The following SYT10 variants were observed in gnomAD, a reference collection of about 807,000 sequenced individuals.
The protein encoded by SYT10 is synaptotagmin 10, also known as synaptotagmin-10.
Under a neutral mutation model 51.1 loss-of-function variants are expected in SYT10, and 31 were observed. That is an observed-to-expected ratio of 0.61 (90% CI 0.46 to 0.82). SYT10 has a LOEUF of 0.82. Ranked by LOEUF, SYT10 falls within the 40% of genes least tolerant of loss-of-function variation. SYT10 has a pLI of 0.00. For missense variants in SYT10, 603 were observed against 634.0 expected, an observed-to-expected ratio of 0.95 and a Z score of 0.53; for synonymous variants, 233 against 225.9, an observed-to-expected ratio of 1.03 and a Z score of -0.28.
rs1866050946 is a variant in SYT10, at chr12:33,375,048, A to G, written c.*1782T>C. On this transcript the variant is annotated 3_prime_UTR_variant, in exon 7 of 7. Transcript: ENST00000228567. ...CAAATAATTTCAAAATGCAAGTGTC[A>G]TCTTTCATTTTACCTATAGCAAATA... 1 of 152,022 alleles carries G rather than the reference A, an allele frequency of 6.6e-6. No homozygotes were observed. Among genetic ancestry groups the G allele is most frequent in the South Asian group, 2.1e-4 (1 of 4,828 alleles). 9.4% of individuals were successfully genotyped at this position (152,022 alleles called of 1,614,324 possible).
At chr12:33,428,712 C>T (rs1866572157) in intron 1 of SYT10, among the ~76,000 whole-genome samples, 2 of 152,148 alleles carry the variant, frequency 1.3e-5, no homozygotes, top group African/African-American at 2.4e-5. Flanking sequence ...CGACACCATC[C>T]TGGCTAAAGC....
At position 33,376,696 on chromosome 12, in the gene SYT10, TA is replaced by T. The variant is rs543545169; in HGVS notation, c.*133del. ...TTAAAAAATCAACAATAAAAGCAAATAAAAAAGTGCACATCAAGTTTGTTCA... is the reference window on the plus strand; with the variant it reads ...TTAAAAAATCAACAATAAAAGCAAATAAAAAGTGCACATCAAGTTTGTTCA... On this transcript the variant is annotated 3_prime_UTR_variant, in exon 7 of 7. Coordinates refer to ENST00000228567, the MANE Select transcript of SYT10 (RefSeq NM_198992.4). The T allele has an allele frequency of 2.4e-5, 23 of 959,124 alleles. No homozygotes were observed. In the Admixed American group the frequency reaches 5.3e-4, roughly 22 times the overall value. 59.4% of individuals were successfully genotyped at this position (959,124 alleles called of 1,614,324 possible).
At chr12:33,430,576 C>T (rs528673095) in intron 1 of SYT10, among the ~76,000 whole-genome samples, 2 of 152,248 alleles carry the variant, frequency 1.3e-5, no homozygotes, top group South Asian at 4.1e-4. Flanking sequence ...TGATATTCTC[C>T]TCTGTGTCTA....
chr12:33,392,606 T>C, intron 3 of SYT10, among the ~76,000 whole-genome samples: 1 of 152,058 alleles, frequency 6.6e-6, no homozygotes, highest in Non-Finnish European at 1.5e-5. Context: ...TTTTCTGCCT[T>C]CTCTACTTGA....
At chr12:33,417,080 G>A (rs1487753908) in intron 2 of SYT10, among the ~76,000 whole-genome samples, 1 of 152,078 alleles carries the variant, frequency 6.6e-6, no homozygotes, top group Non-Finnish European at 1.5e-5. Flanking sequence ...CTGAGAAGAG[G>A]AAGAAGGTGA....
At chr12:33,423,812 A>C (rs561017208) in intron 2 of SYT10, 43 of 379,406 alleles carry the variant, frequency 1.1e-4, no homozygotes, top group South Asian at 6.8e-4. Flanking sequence ...ATAAATTTGA[A>C]TTCTTACTCT....
At chr12:33,424,747 A>AATAT (rs140828455) in intron 2 of SYT10, among the ~76,000 whole-genome samples, 19,990 of 151,498 alleles carry the variant, frequency 0.13, 1,529 homozygotes, top group African/African-American at 0.19. Flanking sequence ...TAATTCAATA[A>AATAT]ATATATAGTT....
chr12:33,413,754 G>C (rs2138421545), intron 2 of SYT10, among the ~76,000 whole-genome samples: 1 of 152,262 alleles, frequency 6.6e-6, no homozygotes, highest in Non-Finnish European at 1.5e-5. Flanking sequence ...GACCTTCAAG[G>C]CTAGGAAGAA....
chr12:33,424,816 A>G (rs1288763017), intron 2 of SYT10, among the ~76,000 whole-genome samples: 1 of 152,008 alleles, frequency 6.6e-6, no homozygotes. Context: ...AAGATCATAA[A>G]TAAGAAAATT....
In SYT10 at chr12:33,430,853, T is replaced by C. The variant is rs191739563; in HGVS notation, c.152-4358A>G. On this transcript the variant is annotated intron_variant, in intron 1 of 6. Coordinates refer to ENST00000228567, the MANE Select transcript of SYT10 (RefSeq NM_198992.4). ...CAAAGATGAAATTTTGGGATTATCT[T>C]TGAAGTTAATTTATTTATACTATTC... 2.6e-4 allele frequency among the ~76,000 whole-genome samples: 40 copies of C among 152,260 alleles called. No individual in the cohort carries two copies. In the East Asian group the frequency reaches 7.7e-3, roughly 29 times the overall value.
chr12:33,378,836 GTGTGTGTGTGTGTTTGTAGATGCATT>G (rs1326556898), intron 6 of SYT10, among the ~76,000 whole-genome samples: 17 of 147,384 alleles, frequency 1.2e-4, no homozygotes, highest in Admixed American at 3.3e-4. Flanking sequence ...GTGTGTGTGT[GTGTGTGTGTGTGTTTGTAGATGCATT>G]TGTGTGTGTG....
rs958896157 is a variant in SYT10, at chr12:33,382,202, C to A, written c.1370+147G>T. ...GAAATGAAAATCCAGAACTATAACA[C>A]AGAAAACAATGAATTTTCAAGGAAT... On this transcript the variant is annotated intron_variant, in intron 5 of 6. Coordinates refer to ENST00000228567, the MANE Select transcript of SYT10 (RefSeq NM_198992.4). 5 of 821,766 alleles carry A rather than the reference C, an allele frequency of 6.1e-6. No homozygotes were observed. The East Asian group carries it at 1.2e-4, about 20-fold the overall frequency. 50.9% of individuals were successfully genotyped at this position (821,766 alleles called of 1,614,324 possible). A position where few individuals can be genotyped will look rare whatever the true frequency, so the allele number is the denominator to read the frequency against.
intron 1 of SYT10, 82 bp from the exon 2 acceptor site, chr12:33,426,577 T>G (rs772754727): frequency 2.7e-5 from 31 of 1,160,240 alleles, no homozygotes; most frequent in Non-Finnish European, 3.6e-5. Context: ...TACATCATAA[T>G]TGTTATTATT....
chr12:33,420,294 A>T (rs1866491076), intron 2 of SYT10, among the ~76,000 whole-genome samples: 1 of 152,156 alleles, frequency 6.6e-6, no homozygotes, highest in African/African-American at 2.4e-5. Context: ...AACATTTACT[A>T]GGAACTAAGA....
chr12:33,390,577 TATAAA>T (rs1866195809), intron 3 of SYT10, among the ~76,000 whole-genome samples: 1 of 151,812 alleles, frequency 6.6e-6, no homozygotes, highest in Non-Finnish European at 1.5e-5. Context: ...TCTATATATA[TATAAA>T]ATAAATAATT....
chr12:33,378,698 A>G (rs1866086553), intron 6 of SYT10, among the ~76,000 whole-genome samples: 1 of 152,220 alleles, frequency 6.6e-6, no homozygotes, highest in South Asian at 2.1e-4. Context: ...AGTAAAGTGT[A>G]CTTTAGACAA....
chr12:33,396,650 T>G (rs1056055808), intron 3 of SYT10, among the ~76,000 whole-genome samples: 1 of 152,100 alleles, frequency 6.6e-6, no homozygotes, highest in African/African-American at 2.4e-5. Context: ...AGGCAGAAAT[T>G]CTTACTTTTT....
At chr12:33,421,108 G>A (rs1156553830) in intron 2 of SYT10, among the ~76,000 whole-genome samples, 3 of 152,054 alleles carry the variant, frequency 2.0e-5, no homozygotes, top group African/African-American at 7.2e-5. Context: ...TAACTATGGA[G>A]TCTCATTTTA....
intron 3 of SYT10, among the ~76,000 whole-genome samples, chr12:33,403,746 G>A (rs565926301): frequency 6.6e-6 from 1 of 151,828 alleles, no homozygotes; most frequent in Admixed American, 6.6e-5. Context: ...AATGACGTGT[G>A]AATAGAAAAA....
Sources: allele counts gnomAD v4.1 joint callset (sites outside exome capture counted in the v4.1 genomes callset), GRCh38; gene constraint gnomAD v4.1.1; transcripts MANE v1.5; gene names NCBI Gene and HGNC (gene_info 2026-07-23, HGNC 2026-07-21).